TXK: variants seen among roughly 807,000 people sequenced by gnomAD.
TXK encodes tyrosine-protein kinase TXK.
TXK carries 60 observed loss-of-function variants against 81.0 expected under a neutral mutation model. The ratio of observed to expected loss-of-function variants is 0.74; its 90% CI spans 0.60 to 0.92. The LOEUF (loss-of-function observed/expected upper bound fraction) is 0.92, where lower values mean the gene tolerates loss of function less well. Ranked by LOEUF, TXK falls within the 40% of genes least tolerant of loss-of-function variation. The pLI is 0.00. For missense variants in TXK, 581 were observed against 638.3 expected (o/e 0.91, Z 0.97); for synonymous variants, 203 against 210.7 (o/e 0.96, Z 0.32).
chr4:48,112,850 G>T (rs559741646), intron 3 of TXK, among the ~76,000 whole-genome samples: 87 of 151,656 alleles, frequency 5.7e-4, no homozygotes, highest in Non-Finnish European at 1.0e-3. Context: ...GAAGAAAAAT[G>T]GCCTTTTTCT....
chr4:48,112,433 ATCTTC>A lies in TXK; in HGVS notation c.249_253del (p.Glu83AspfsTer8). 1 of 1,614,136 alleles carries A rather than the reference ATCTTC, an allele frequency of 6.2e-7. No individual in the cohort carries two copies. Among genetic ancestry groups the A allele is most frequent in the Non-Finnish European group, 8.5e-7 (1 of 1,180,010 alleles). On this transcript the variant is annotated frameshift_variant, in exon 4 of 15. Coordinates refer to ENST00000264316, the MANE Select transcript of TXK (RefSeq NM_003328.3). LOFTEE classifies it high-confidence loss of function. ...AAAATCATAAAGTGCCTTGACTTGG[ATCTTC>A]TCTTCAGCAACCTCAGAGGGTGGGA...
chr4:48,076,458 C>T lies in TXK; in HGVS notation c.1182G>A (p.Arg394=). Residue 394 remains arginine, a synonymous_variant, in exon 12 of 15, where the codon AGG becomes AGA. Transcript: ENST00000264316. Reference sequence around the variant, plus strand: ...TGCATGTTGAACTGACCAAACAATTCCTTGCCGCCTATGGAAAGAAGAAAA... The same window carrying T: ...TGCATGTTGAACTGACCAAACAATTTCTTGCCGCCTATGGAAAGAAGAAAA... ...NGYIHRDLAA[R]NCLVSSTCIV... 6.2e-7 allele frequency: 1 copy of T among 1,611,012 alleles called. No individual in the cohort carries two copies. The highest frequency in any genetic ancestry group is 8.5e-7 in the Non-Finnish European group (1 of 1,179,150).
chr4:48,089,953 C>A, intron 8 of TXK, 129 bp from the exon 9 acceptor site: 1 of 596,532 alleles, frequency 1.7e-6, no homozygotes, highest in Non-Finnish European at 2.9e-6. Context: ...AGTTAGTCAG[C>A]AGTTTGCTTA....
At position 48,110,575 on chromosome 4, in the gene TXK, C is replaced by T. The variant is rs1420286778; in HGVS notation, c.409G>A (p.Val137Met). The T allele has an allele frequency of 6.2e-7, 1 of 1,612,100 alleles. No homozygotes were observed. The highest frequency in any genetic ancestry group is 1.7e-5 in the Admixed American group (1 of 59,870). ...GNEGLIPSNY[V>M]TENKITNLEI... ...AAATTAGTTATTTTGTTTTCAGTCA[C>T]ATAGTTGCTTGGGATTAAGCCTTCA... Residue 137 changes from valine to methionine, a missense_variant, in exon 5 of 15, where the codon GTG (valine) becomes ATG (methionine). Physicochemically the swap from Val to Met is conservative, Grantham distance 21. Transcript: ENST00000264316.
chr4:48,128,519 A>G (rs927856156), intron 1 of TXK, among the ~76,000 whole-genome samples: 3 of 149,366 alleles, frequency 2.0e-5, no homozygotes, highest in African/African-American at 7.4e-5. Context: ...CAGAAAGGCC[A>G]AACTTCCTCA....
chr4:48,123,832 C>G (rs1426900645), intron 1 of TXK, among the ~76,000 whole-genome samples: 1 of 152,178 alleles, frequency 6.6e-6, no homozygotes, highest in African/African-American at 2.4e-5. Flanking sequence ...TATCTTCCCC[C>G]ACTTTCAAGG....
intron 2 of TXK, among the ~76,000 whole-genome samples, 177 bp from the exon 3 acceptor site, chr4:48,113,486 T>C (rs574620744): frequency 3.0e-4 from 46 of 152,358 alleles, no homozygotes; most frequent in African/African-American, 1.0e-3. Context: ...AGAACTTAAG[T>C]TTCCTTCTCC....
intron 1 of TXK, among the ~76,000 whole-genome samples, chr4:48,120,215 G>A (rs897673148): frequency 2.2e-5 from 2 of 90,846 alleles, no homozygotes; most frequent in Non-Finnish European, 3.1e-5. Flanking sequence ...ACGTATATAT[G>A]TACATATATA....
At chr4:48,111,736 C>G (rs1045407904) in intron 4 of TXK, among the ~76,000 whole-genome samples, 19 of 152,242 alleles carry the variant, frequency 1.2e-4, no homozygotes, top group Non-Finnish European at 2.5e-4. Context: ...CCAGCCTTCT[C>G]TCTCAGGAAG....
intron 14 of TXK, 81 bp from the exon 15 acceptor site, chr4:48,067,786 G>T: frequency 1.5e-6 from 2 of 1,353,682 alleles, no homozygotes; most frequent in South Asian, 1.2e-5. Context: ...CTAAGCATGT[G>T]GGAGTCACTT....
intron 14 of TXK, among the ~76,000 whole-genome samples, chr4:48,068,507 A>T (rs1332230957): frequency 6.6e-6 from 1 of 152,240 alleles, no homozygotes; most frequent in Non-Finnish European, 1.5e-5. Flanking sequence ...ACACATAGAA[A>T]AATGATTGCT....
chr4:48,113,951 TAC>T (rs1352662188), intron 2 of TXK, among the ~76,000 whole-genome samples: 3 of 152,170 alleles, frequency 2.0e-5, no homozygotes, highest in Non-Finnish European at 2.9e-5. Context: ...ATTTAATTCT[TAC>T]AGAGTCATTT....
At chr4:48,095,052 T>C in intron 7 of TXK, 91 bp downstream of exon 7, 1 of 1,091,892 alleles carries the variant, frequency 9.2e-7, no homozygotes, top group Non-Finnish European at 1.4e-6. Flanking sequence ...CAACAATCTT[T>C]TCCCTAAGCT....
At chr4:48,113,364 T>C in intron 2 of TXK, 55 bp from the exon 3 acceptor site, 1 of 1,334,780 alleles carries the variant, frequency 7.5e-7, no homozygotes, top group Non-Finnish European at 1.1e-6. Context: ...AAGTTATCTA[T>C]ACATCCACTA....
At chr4:48,129,631 C>A (rs1248624069) in intron 1 of TXK, among the ~76,000 whole-genome samples, 2 of 152,128 alleles carry the variant, frequency 1.3e-5, no homozygotes, top group Admixed American at 6.5e-5. Context: ...TGATGATGAC[C>A]GCTCATCTGT....
chr4:48,097,990 G>A (rs903365041), intron 6 of TXK, among the ~76,000 whole-genome samples: 4 of 151,790 alleles, frequency 2.6e-5, no homozygotes, highest in African/African-American at 4.8e-5. Context: ...CTTGCGATCC[G>A]CCCGCCTCGG....
chr4:48,123,346 C>T (rs1719007152), intron 1 of TXK, among the ~76,000 whole-genome samples: 1 of 152,082 alleles, frequency 6.6e-6, no homozygotes, highest in South Asian at 2.1e-4. Flanking sequence ...TACCTTTTCC[C>T]CAACAGAATT....
intron 6 of TXK, among the ~76,000 whole-genome samples, chr4:48,100,223 C>T (rs548554833): frequency 1.4e-5 from 2 of 138,626 alleles, no homozygotes; most frequent in Non-Finnish European, 3.2e-5. Context: ...CTAAAGCGAT[C>T]AAGAAACATG....
At chr4:48,084,361 A>G (rs540879307) in intron 10 of TXK, among the ~76,000 whole-genome samples, 1 of 152,088 alleles carries the variant, frequency 6.6e-6, no homozygotes, top group Admixed American at 6.6e-5. Flanking sequence ...CCCAGAATGA[A>G]TCAGGGGAAA....
Sources: allele counts gnomAD v4.1 joint callset (sites outside exome capture counted in the v4.1 genomes callset), GRCh38; gene constraint gnomAD v4.1.1; transcripts MANE v1.5; gene names NCBI Gene and HGNC (gene_info 2026-07-23, HGNC 2026-07-21).